ABTB2: variants seen among roughly 807,000 people sequenced by gnomAD.
ABTB2 encodes ankyrin repeat and BTB/POZ domain-containing protein 2.
ABTB2 carries 56 observed loss-of-function variants against 104.1 expected under a neutral mutation model. That is an observed-to-expected ratio of 0.54 (90% CI 0.43 to 0.67). The LOEUF (loss-of-function observed/expected upper bound fraction) is 0.67. Among genes scored for constraint, ABTB2 ranks in the 30% least tolerant of loss-of-function variants. The pLI is 0.00. For missense variants in ABTB2, 1,279 were observed against 1,407.7 expected, an observed-to-expected ratio of 0.91 and a Z score of 1.46; for synonymous variants, 606 against 608.2, an observed-to-expected ratio of 1.00 and a Z score of 0.05.
intron 1 of ABTB2, among the ~76,000 whole-genome samples, chr11:34,326,229 T>C (rs1855068584): frequency 6.6e-6 from 1 of 151,998 alleles, no homozygotes; most frequent in South Asian, 2.1e-4. Context: ...AAGTTGACAA[T>C]GGAAAATTAA....
chr11:34,203,624 C>A (rs1853370899), intron 2 of ABTB2, among the ~76,000 whole-genome samples: 1 of 152,196 alleles, frequency 6.6e-6, no homozygotes, highest in Non-Finnish European at 1.5e-5. Flanking sequence ...TCTCTCCCAG[C>A]CCTATTGCAG....
intron 4 of ABTB2, among the ~76,000 whole-genome samples, chr11:34,172,437 T>TATAGATAGATAGATAGATAG (rs67334558): frequency 1.1e-5 from 1 of 92,462 alleles, no homozygotes; most frequent in Admixed American, 1.1e-4. Context: ...TGTGTGTGTA[T>TATAGATAGATAGATAGATAG]ATAGATAGAT....
chr11:34,285,784 T>C (rs1251891312), intron 1 of ABTB2, among the ~76,000 whole-genome samples: 3 of 152,184 alleles, frequency 2.0e-5, no homozygotes, highest in African/African-American at 4.8e-5. Flanking sequence ...TGGGAAGAGA[T>C]GCCCAGGTTA....
intron 1 of ABTB2, among the ~76,000 whole-genome samples, chr11:34,305,547 T>C (rs906065438): frequency 7.2e-5 from 11 of 152,208 alleles, no homozygotes; most frequent in Non-Finnish European, 1.5e-4. Context: ...ATTCCACTGG[T>C]GGCTTTGGAG....
chr11:34,211,453 A>G (rs1337339871), intron 1 of ABTB2, among the ~76,000 whole-genome samples: 1 of 152,122 alleles, frequency 6.6e-6, no homozygotes, highest in Admixed American at 6.6e-5. Flanking sequence ...CCTTCACTGA[A>G]TAGTATTCCA....
chr11:34,165,244 G>T lies in ABTB2; in HGVS notation c.1852+16C>A. The T allele has an allele frequency of 6.5e-7, 1 of 1,540,290 alleles. No homozygotes were observed. Among genetic ancestry groups the T allele is most frequent in the Non-Finnish European group, 8.8e-7 (1 of 1,141,226 alleles). On this transcript the variant is annotated intron_variant, in intron 8 of 16. Transcript: ENST00000435224. ...CAGGGAAGGGTAGACAGAGCCTCCG[G>T]GTAGCAGGTGCCTACCTGCCGCAGA...
At chr11:34,168,886 C>T (rs560485326) in intron 5 of ABTB2, among the ~76,000 whole-genome samples, 19 of 152,354 alleles carry the variant, frequency 1.2e-4, no homozygotes, top group African/African-American at 3.8e-4. Context: ...GTTTATTCCA[C>T]GGCTGGATCC....
chr11:34,204,200 A>G (rs996208389), intron 2 of ABTB2, among the ~76,000 whole-genome samples: 1 of 152,140 alleles, frequency 6.6e-6, no homozygotes, highest in Non-Finnish European at 1.5e-5. Context: ...AGGCAGGTGA[A>G]ATTAATGAAA....
Position 34,154,649 on chromosome 11 carries a change from C to G in ABTB2, c.2766+52G>C. On this transcript the variant is annotated intron_variant, in intron 15 of 16. Transcript: ENST00000435224. This position sits in a 1 kb window ranked among gnomAD's most constrained non-coding sequence, Gnocchi z 4.9. ...CCTCTGAAGGGGGTGAATGGGAGAC[C>G]GAGCCGCTGGGCACCCTAGCCCAGG... 4.4e-6 allele frequency: 7 copies of G among 1,586,792 alleles called. No homozygotes were observed. The highest frequency in any genetic ancestry group is 6.0e-6 in the Non-Finnish European group (7 of 1,157,272).
intron 5 of ABTB2, among the ~76,000 whole-genome samples, chr11:34,168,710 G>A (rs913116703): frequency 6.6e-6 from 1 of 152,204 alleles, no homozygotes; most frequent in South Asian, 2.1e-4. Context: ...CCCACGAGAC[G>A]GTAGAGGAGG....
At chr11:34,277,832 C>T (rs771581220) in intron 1 of ABTB2, among the ~76,000 whole-genome samples, 23 of 123,442 alleles carry the variant, frequency 1.9e-4, no homozygotes, top group Non-Finnish European at 2.7e-4. Context: ...GAGATGGAGT[C>T]GTGCTCTTGT....
intron 14 of ABTB2, among the ~76,000 whole-genome samples, chr11:34,158,818 G>A (rs890017859): frequency 2.0e-5 from 3 of 152,248 alleles, no homozygotes; most frequent in African/African-American, 4.8e-5. Flanking sequence ...CAATGTGGCC[G>A]GGGTTTGATG....
intron 1 of ABTB2, among the ~76,000 whole-genome samples, chr11:34,283,518 T>TA (rs1303847155): frequency 1.3e-5 from 2 of 152,112 alleles, no homozygotes; most frequent in African/African-American, 4.8e-5. Flanking sequence ...ACCCAGCCTG[T>TA]AAAAAAGTCT....
At chr11:34,318,064 T>C (rs1854960845) in intron 1 of ABTB2, among the ~76,000 whole-genome samples, 1 of 151,984 alleles carries the variant, frequency 6.6e-6, no homozygotes, top group Admixed American at 6.6e-5. Context: ...GCTCCTGGGT[T>C]CAAGTAATTC....
Position 34,152,026 on chromosome 11 carries a change from A to G in ABTB2, c.*361T>C. On this transcript the variant is annotated 3_prime_UTR_variant, in exon 17 of 17. Coordinates refer to ENST00000435224, the MANE Select transcript of ABTB2 (RefSeq NM_145804.3). ...CAGTTGGGATGGTCTGAGTTTACTGAGGCCCTAGGGGTGAGTAGAGCTTGG... is the reference window on the plus strand; with the variant it reads ...CAGTTGGGATGGTCTGAGTTTACTGGGGCCCTAGGGGTGAGTAGAGCTTGG... 1 of 269,578 alleles carries G rather than the reference A, an allele frequency of 3.7e-6. No individual in the cohort carries two copies. The allele number at this position is 269,578 out of a possible 1,614,324, so 16.7% of individuals were successfully genotyped here.
At chr11:34,181,237 AAAACAAAC>A (rs148951380) in intron 3 of ABTB2, among the ~76,000 whole-genome samples, 26 of 151,000 alleles carry the variant, frequency 1.7e-4, no homozygotes, top group African/African-American at 5.1e-4. Flanking sequence ...TGCAGCCTGG[AAAACAAAC>A]AAACAAACAA....
intron 1 of ABTB2, among the ~76,000 whole-genome samples, chr11:34,205,691 A>C (rs1421692936): frequency 6.6e-6 from 1 of 152,086 alleles, no homozygotes; most frequent in Non-Finnish European, 1.5e-5. Flanking sequence ...ATAACTGGAG[A>C]GCACCGGGAT....
intron 1 of ABTB2, among the ~76,000 whole-genome samples, chr11:34,253,154 C>T (rs1590231013): frequency 6.6e-6 from 1 of 152,166 alleles, no homozygotes; most frequent in African/African-American, 2.4e-5. Context: ...GGGAGAATCT[C>T]CACCCCCTTC....
At chr11:34,247,410 G>A (rs908831033) in intron 1 of ABTB2, among the ~76,000 whole-genome samples, 5 of 152,226 alleles carry the variant, frequency 3.3e-5, no homozygotes, top group African/African-American at 4.8e-5. Flanking sequence ...TTCACTTTCA[G>A]TAATCAATAA....
Sources: gnomAD v4.1 joint callset for allele counts (sites outside exome capture counted in the v4.1 genomes callset) on GRCh38, gnomAD v4.1.1 for gene constraint, Gnocchi (gnomAD v3.1) non-coding constraint, MANE v1.5 for transcripts, NCBI Gene and HGNC (gene_info 2026-07-23, HGNC 2026-07-21) for gene names.